PDE12: variants seen among roughly 807,000 people sequenced by gnomAD.
The protein encoded by PDE12 is 2',5'-phosphodiesterase 12.
In PDE12, 26 loss-of-function variants were observed where a neutral mutation model predicts 45.4. The observed-to-expected ratio is 0.57, with a 90% CI of 0.42 to 0.79. The LOEUF is 0.79. Among genes scored for constraint, PDE12 ranks in the 30% least tolerant of loss-of-function variants. PDE12 has a pLI of 0.00. For synonymous variants in PDE12, 283 were observed against 323.9 expected, an observed-to-expected ratio of 0.87 and a Z score of 1.36; for missense variants, 668 against 790.0, an observed-to-expected ratio of 0.85 and a Z score of 1.85.
chr3:57,583,935 A>G, the PDE12 span: 1 of 1,611,210 alleles, frequency 6.2e-7, no homozygotes, highest in Non-Finnish European at 8.5e-7. Flanking sequence ...GAGAGGCCTA[A>G]TTCTATCTTG....
chr3:57,635,575 G>C, the PDE12 span, among the ~76,000 whole-genome samples: 2 of 152,186 alleles, frequency 1.3e-5, no homozygotes, highest in South Asian at 2.1e-4. Flanking sequence ...TTATTATAGA[G>C]ATTATAATAT....
chr3:57,641,320 ATATAT>A, the PDE12 span, among the ~76,000 whole-genome samples: 3 of 144,406 alleles, frequency 2.1e-5, no homozygotes, highest in Non-Finnish European at 3.0e-5. Flanking sequence ...TTTATATTCA[ATATAT>A]TATATTAAAA....
At chr3:57,632,176 T>C in the PDE12 span, among the ~76,000 whole-genome samples, 617 of 149,416 alleles carry the variant, frequency 4.1e-3, 6 homozygotes, top group African/African-American at 0.015. Context: ...CGTGCCACCA[T>C]GCCTGGCCAA....
the PDE12 span, among the ~76,000 whole-genome samples, chr3:57,656,049 T>C: frequency 1.3e-5 from 2 of 152,200 alleles, no homozygotes; most frequent in African/African-American, 2.4e-5. Context: ...AATAATGCCA[T>C]AACATGTACT....
chr3:57,569,568 C>G (rs1298964473), downstream of PDE12, among the ~76,000 whole-genome samples: 2 of 152,028 alleles, frequency 1.3e-5, no homozygotes, highest in Non-Finnish European at 2.9e-5. Context: ...GTTAGTCAGT[C>G]TGGTCTTGAA....
chr3:57,606,078 A>G, the PDE12 span, among the ~76,000 whole-genome samples: 6 of 152,192 alleles, frequency 3.9e-5, no homozygotes, highest in Non-Finnish European at 8.8e-5. Context: ...ATGTTAAGAA[A>G]TAATGACCAA....
At chr3:57,645,838 C>T in the PDE12 span, 39 of 963,796 alleles carry the variant, frequency 4.0e-5, no homozygotes, top group Admixed American at 5.9e-4. Flanking sequence ...TCTATACAAA[C>T]GGTATACACA....
the PDE12 span, among the ~76,000 whole-genome samples, chr3:57,608,847 A>G: frequency 6.6e-6 from 1 of 152,186 alleles, no homozygotes; most frequent in African/African-American, 2.4e-5. Flanking sequence ...GAAGTTAACA[A>G]GGATATCCAG....
the PDE12 span, among the ~76,000 whole-genome samples, chr3:57,648,674 G>A: frequency 6.6e-6 from 1 of 152,156 alleles, no homozygotes; most frequent in African/African-American, 2.4e-5. Flanking sequence ...TAGGCATATA[G>A]ACCAATGGAA....
chr3:57,646,269 G>A, the PDE12 span: 2 of 1,582,320 alleles, frequency 1.3e-6, no homozygotes, highest in African/African-American at 1.4e-5. Context: ...GTTAAGTACT[G>A]CAGCATCCAA....
the PDE12 span, chr3:57,596,962 G>T: frequency 2.1e-5 from 25 of 1,191,168 alleles, no homozygotes; most frequent in Non-Finnish European, 3.0e-5. Context: ...CCCCGACCCG[G>T]CGCCCCTCCC....
At chr3:57,654,024 T>A in the PDE12 span, among the ~76,000 whole-genome samples, 231 of 136,384 alleles carry the variant, frequency 1.7e-3, 1 homozygote, top group African/African-American at 6.1e-3. Context: ...CTCAGCTCAC[T>A]GCAAGCTCCA....
the PDE12 span, among the ~76,000 whole-genome samples, chr3:57,604,617 T>TGGG: frequency 1.4e-3 from 12 of 8,310 alleles, no homozygotes; most frequent in Non-Finnish European, 1.9e-3. Flanking sequence ...TTTTTTTTTT[T>TGGG]GGGGGGGGTG....
At chr3:57,610,295 A>T in the PDE12 span, among the ~76,000 whole-genome samples, 1 of 152,132 alleles carries the variant, frequency 6.6e-6, no homozygotes, top group Non-Finnish European at 1.5e-5. Context: ...ATGGGCAAAA[A>T]CTGGAAGCAT....
chr3:57,652,139 C>T, the PDE12 span, among the ~76,000 whole-genome samples: 5 of 152,198 alleles, frequency 3.3e-5, no homozygotes, highest in African/African-American at 4.8e-5. Flanking sequence ...CGTTCTTGAG[C>T]GCGGACTGGA....
the PDE12 span, among the ~76,000 whole-genome samples, chr3:57,603,461 A>C: frequency 6.7e-6 from 1 of 149,468 alleles, no homozygotes; most frequent in African/African-American, 2.5e-5. Flanking sequence ...CCTCAGCCTC[A>C]AGAGTAGCTG....
chr3:57,601,234 G>C, the PDE12 span, among the ~76,000 whole-genome samples: 1 of 151,692 alleles, frequency 6.6e-6, no homozygotes, highest in Non-Finnish European at 1.5e-5. Context: ...ATCAGCCTCC[G>C]GGGTAGCTGG....
chr3:57,587,076 T>C, the PDE12 span, among the ~76,000 whole-genome samples: 3 of 152,052 alleles, frequency 2.0e-5, no homozygotes, highest in East Asian at 1.9e-4. Context: ...CACAGTACTT[T>C]GGGAGGCTGA....
chr3:57,556,362 C>T lies in PDE12; in HGVS notation c.-18C>T, dbSNP rs773723936. 2 of 1,543,306 alleles carry T rather than the reference C, an allele frequency of 1.3e-6. No individual in the cohort carries two copies. The highest frequency in any genetic ancestry group is 2.0e-5 in the Admixed American group (1 of 50,992). ...CTGATCGGCCGCGGGTCTTGTCGAC[C>T]GCTAGGCCACCAGGTTCATGTGGAG... On this transcript the variant is annotated 5_prime_UTR_variant, in exon 1 of 3. Transcript: ENST00000311180. This position sits in a 1 kb window ranked among gnomAD's most constrained non-coding sequence, Gnocchi z 5.0.
Sources: gnomAD v4.1 joint callset for allele counts (sites outside exome capture counted in the v4.1 genomes callset) on GRCh38, gnomAD v4.1.1 for gene constraint, Gnocchi (gnomAD v3.1) non-coding constraint, MANE v1.5 for transcripts, NCBI Gene and HGNC (gene_info 2026-07-23, HGNC 2026-07-21) for gene names.